ERBB2: variants seen among roughly 807,000 people sequenced by gnomAD.
ERBB2 encodes erb-b2 receptor tyrosine kinase 2.
Under a neutral mutation model 149.0 loss-of-function variants are expected in ERBB2, and 61 were observed. The ratio of observed to expected loss-of-function variants is 0.41; its 90% CI spans 0.33 to 0.51. The LOEUF (loss-of-function observed/expected upper bound fraction) is 0.51, where lower values mean the gene tolerates loss of function less well. Among genes scored for constraint, ERBB2 ranks in the 20% least tolerant of loss-of-function variants. The probability of loss-of-function intolerance (pLI) is 0.25; values close to 1 mark genes in which losing one functional copy is unlikely to be tolerated. For synonymous variants in ERBB2, 633 were observed against 678.8 expected (o/e 0.93, Z 1.05); for missense variants, 1,205 against 1,655.1 (o/e 0.73, Z 4.72).
In ERBB2 at chr17:39,708,647, C is replaced by T. The variant is rs4252614; in HGVS notation, c.439+113C>T. The T allele has an allele frequency of 2.5e-3, 1,984 of 793,472 alleles. 39 individuals carry two copies. The South Asian group carries it at 0.028, about 11-fold the overall frequency. The allele number at this position is 793,472 out of a possible 1,614,324, so 49.2% of individuals were successfully genotyped here. On this transcript the variant is annotated intron_variant, in intron 3 of 26. Transcript: ENST00000269571. Reference sequence around the variant, plus strand: ...AGAAATGGTGTCCCTTCTGGGCAGACGCAGGCAGAGCCCGGGAAGACGCCC... The same window carrying T: ...AGAAATGGTGTCCCTTCTGGGCAGATGCAGGCAGAGCCCGGGAAGACGCCC...
chr17:39,689,984 C>T (rs185569520), upstream of ERBB2, among the ~76,000 whole-genome samples: 65 of 151,288 alleles, frequency 4.3e-4, 1 homozygote, highest in East Asian at 7.4e-3. Flanking sequence ...AATGCAGTAA[C>T]GCCCCACATT....
intron 2 of ERBB2, chr17:39,708,105 G>GC (rs1258447752): frequency 2.7e-5 from 13 of 488,540 alleles, no homozygotes; most frequent in Non-Finnish European, 4.0e-5. Flanking sequence ...TTTATGAAAT[G>GC]CCCCCCCACC....
Position 39,725,125 on chromosome 17 carries a change from A to G in ERBB2, c.2570A>G (p.Asn857Ser), listed in dbSNP as rs28933370. ...CGGAACGTGCTGGTCAAGAGTCCCA[A>G]CCATGTCAAAATTACAGACTTCGGG... is the stretch of plus-strand genomic sequence containing the variant. ...AARNVLVKSP[N>S]HVKITDFGLA... The change falls in exon 21 of 27, where the codon AAC becomes AGC. Residue 857 changes from asparagine to serine, a missense_variant. Physicochemically the swap from Asn to Ser is conservative, Grantham distance 46. This residue lies in a region of ERBB2 where 152 missense variants were observed against 318.1 expected (regional missense o/e 0.48). Coordinates refer to ENST00000269571, the MANE Select transcript of ERBB2 (RefSeq NM_004448.4). This position sits in a 1 kb window ranked among gnomAD's most constrained non-coding sequence, Gnocchi z 4.6. 6 of 1,614,048 alleles carry G rather than the reference A, an allele frequency of 3.7e-6. No individual in the cohort carries two copies. Among genetic ancestry groups the G allele is most frequent in the South Asian group, 1.1e-5 (1 of 91,084 alleles).
upstream of ERBB2, among the ~76,000 whole-genome samples, chr17:39,695,701 G>GCACACACACACA (rs1226871960): frequency 7.2e-5 from 3 of 41,810 alleles, no homozygotes; most frequent in South Asian, 8.3e-4. Context: ...TTTGGTGCAT[G>GCACACACACACA]CATACACACA....
intron 16 of ERBB2, 79 bp downstream of exon 16, chr17:39,719,913 G>A: frequency 7.2e-7 from 1 of 1,384,938 alleles, no homozygotes; most frequent in Non-Finnish European, 1.0e-6. Flanking sequence ...GCTGTAGGGA[G>A]GGGACCCCCT....
At chr17:39,693,002 C>T (rs543164667), upstream of ERBB2, among the ~76,000 whole-genome samples, 3 of 152,256 alleles carry the variant, frequency 2.0e-5, no homozygotes, top group South Asian at 4.2e-4. Context: ...GCAGAGATTG[C>T]AGTGAGCCAA....
chr17:39,696,273 G>T (rs553555597), upstream of ERBB2, among the ~76,000 whole-genome samples: 1 of 151,728 alleles, frequency 6.6e-6, no homozygotes, highest in South Asian at 2.1e-4. Flanking sequence ...GGCCCCTCTC[G>T]AGCCTCCTCC....
chr17:39,703,001 C>T (rs916328578), intron 1 of ERBB2, among the ~76,000 whole-genome samples: 1 of 152,240 alleles, frequency 6.6e-6, no homozygotes, highest in African/African-American at 2.4e-5. Flanking sequence ...GAGAAGCGCT[C>T]CTCTTGTTCA....
Position 39,726,151 on chromosome 17 carries a change from T to C in ERBB2, c.2872+298T>C, listed in dbSNP as rs563436258. 4.6e-6 allele frequency: 2 copies of C among 433,186 alleles called. No individual in the cohort carries two copies. Among genetic ancestry groups the C allele is most frequent in the East Asian group, 9.0e-5 (2 of 22,264 alleles). The allele number at this position is 433,186 out of a possible 1,614,324, so 26.8% of individuals were successfully genotyped here. ...GAGTTCAAGACCAGCCTGGGCAACA[T>C]AGTGAGATCCTATCTCTACAAAAAA... On this transcript the variant is annotated intron_variant, in intron 23 of 26. Transcript: ENST00000269571. This position sits in a 1 kb window ranked among gnomAD's most constrained non-coding sequence, Gnocchi z 5.1.
intron 15 of ERBB2, among the ~76,000 whole-genome samples, chr17:39,719,147 G>C (rs1348412667): frequency 6.6e-6 from 1 of 152,040 alleles, no homozygotes; most frequent in Admixed American, 6.6e-5. Flanking sequence ...TGTAATCCCA[G>C]CTATTTGAGA....
At chr17:39,716,183 C>A in intron 12 of ERBB2, 118 bp from the exon 13 acceptor site, 2 of 1,159,376 alleles carry the variant, frequency 1.7e-6, no homozygotes, top group Non-Finnish European at 2.4e-6. Flanking sequence ...CTCCCTACAT[C>A]GGCCCCACCT....
rs774803351 is a variant in ERBB2, at chr17:39,715,256, C to A, written c.1149-30C>A. ...GGAGTGATGTCCACCCTGTTCCTGG[C>A]CCTGCTGACTCCTCTCCTGACCCCT... On this transcript the variant is annotated intron_variant, in intron 9 of 26. Transcript: ENST00000269571. 57 of 1,599,956 alleles carry A rather than the reference C, an allele frequency of 3.6e-5. No individual in the cohort carries two copies. The Admixed American group carries it at 9.3e-4, about 26-fold the overall frequency.
intron 12 of ERBB2, 158 bp downstream of exon 12, chr17:39,716,097 G>A (rs2059107945): frequency 1.0e-6 from 1 of 981,020 alleles, no homozygotes; most frequent in East Asian, 2.6e-5. Flanking sequence ...CTCTTGGCAT[G>A]GCTTCTCTAG....
At chr17:39,718,840 G>C (rs938217448) in intron 15 of ERBB2, among the ~76,000 whole-genome samples, 1 of 152,020 alleles carries the variant, frequency 6.6e-6, no homozygotes, top group African/African-American at 2.4e-5. Flanking sequence ...TATTGCAATT[G>C]AGCTCCACAC....
rs4252633 is a variant in ERBB2, at chr17:39,715,782, G to A, written c.1356G>A (p.Trp452Ter). 6.2e-7 allele frequency: 1 copy of A among 1,608,802 alleles called. No homozygotes were observed. The highest frequency in any genetic ancestry group is 8.5e-7 in the Non-Finnish European group (1 of 1,180,004). ...CCCTGCAAGGGCTGGGCATCAGCTG[G>A]CTGGGGCTGCGCTCACTGAGGGAAC... The part of the protein sequence containing the change: ...SLTLQGLGIS[W>*]LGLRSLRELG... Residue 452 changes from tryptophan to a stop codon, truncating the protein, a stop_gained, in exon 12 of 27, where the codon TGG becomes TGA. Coordinates refer to ENST00000269571, the MANE Select transcript of ERBB2 (RefSeq NM_004448.4). LOFTEE classifies it high-confidence loss of function.
At position 39,709,463 on chromosome 17, in the gene ERBB2, C is replaced by T. The variant is rs2058664125; in HGVS notation, c.574+11C>T. 1.2e-6 allele frequency: 2 copies of T among 1,613,950 alleles called. No homozygotes were observed. The highest frequency in any genetic ancestry group is 1.7e-6 in the Non-Finnish European group (2 of 1,179,936). ...ACCGCTCTCGGGCCTGTAAGCCATG[C>T]CCCTCCCTGCTGCCTCTTCTCTCAG... On this transcript the variant is annotated intron_variant, in intron 4 of 26. Coordinates refer to ENST00000269571, the MANE Select transcript of ERBB2 (RefSeq NM_004448.4).
In ERBB2 at chr17:39,715,946, C is replaced by T; in HGVS notation, c.1513+7C>T. The T allele has an allele frequency of 6.2e-7, 1 of 1,606,020 alleles. No homozygotes were observed. The highest frequency in any genetic ancestry group is 2.2e-5 in the East Asian group (1 of 44,876). On this transcript the variant is annotated splice_region_variant and intron_variant, in intron 12 of 26. Coordinates refer to ENST00000269571, the MANE Select transcript of ERBB2 (RefSeq NM_004448.4). ...CGGCCAGAGGACGAGTGTGGTAAGA[C>T]AGGGAGCCCAGTGTGCGCACTCCCC... is the stretch of plus-strand genomic sequence containing the variant.
At chr17:39,699,435 T>C, upstream of ERBB2, 2 of 938,642 alleles carry the variant, frequency 2.1e-6, no homozygotes, top group Non-Finnish European at 1.6e-6. Flanking sequence ...CTCTCCAGCC[T>C]GGGCAACAAG....
intron 16 of ERBB2, 178 bp downstream of exon 16, chr17:39,720,012 T>G (rs1036577932): frequency 1.6e-6 from 1 of 634,390 alleles, no homozygotes; most frequent in Admixed American, 2.6e-5. Context: ...GCTCAGATGC[T>G]GAGGGGAGGG....
Sources: allele counts gnomAD v4.1 joint callset (sites outside exome capture counted in the v4.1 genomes callset), GRCh38; gene constraint gnomAD v4.1.1; regional missense constraint gnomAD v4.1.1; non-coding constraint Gnocchi (gnomAD v3.1); transcripts MANE v1.5; gene names NCBI Gene and HGNC (gene_info 2026-07-23, HGNC 2026-07-21).